ZFPM2: variants seen among roughly 807,000 people sequenced by gnomAD.
ZFPM2 encodes zinc finger protein, FOG family member 2.
ZFPM2 carries 20 observed loss-of-function variants against 98.6 expected under a neutral mutation model. The ratio of observed to expected loss-of-function variants is 0.20; its 90% confidence interval spans 0.14 to 0.29. The LOEUF is 0.29. Among genes scored for constraint, ZFPM2 ranks in the 10% least tolerant of loss-of-function variants. The pLI is 1.00. For synonymous variants in ZFPM2, 518 were observed against 502.7 expected (o/e 1.03, Z -0.41); for missense variants, 1,310 against 1,388.6 (o/e 0.94, Z 0.90).
intron 5 of ZFPM2, among the ~76,000 whole-genome samples, chr8:105,752,402 G>A (rs77900175): frequency 6.6e-6 from 1 of 152,236 alleles, no homozygotes; most frequent in African/African-American, 2.4e-5. Context: ...AAAATAATGA[G>A]GGTTCAGGGA....
At chr8:105,772,847 T>C (rs1813011019) in intron 5 of ZFPM2, among the ~76,000 whole-genome samples, 1 of 152,178 alleles carries the variant, frequency 6.6e-6, no homozygotes, top group African/African-American at 2.4e-5. Flanking sequence ...GTTTATGTTA[T>C]ACTTCAGGAA....
intron 5 of ZFPM2, among the ~76,000 whole-genome samples, chr8:105,661,384 T>C (rs1191927205): frequency 6.6e-6 from 1 of 152,206 alleles, no homozygotes; most frequent in African/African-American, 2.4e-5. Context: ...AATATATTCA[T>C]TGGGCTTTTA....
intron 5 of ZFPM2, among the ~76,000 whole-genome samples, chr8:105,667,550 T>G (rs1330131917): frequency 1.3e-5 from 2 of 152,352 alleles, no homozygotes; most frequent in Admixed American, 6.5e-5. Context: ...TTTTGAGTTT[T>G]AGTGTAGTAT....
intron 3 of ZFPM2, among the ~76,000 whole-genome samples, chr8:105,533,961 TCCCTCCCTC>T (rs1414615626): frequency 1.3e-3 from 31 of 23,022 alleles, no homozygotes; most frequent in African/African-American, 2.1e-3. Context: ...CCTTCCTCCC[TCCCTCCCTC>T]TCCTCCCTCC....
intron 5 of ZFPM2, among the ~76,000 whole-genome samples, chr8:105,709,227 T>C (rs1297524574): frequency 6.6e-6 from 1 of 152,162 alleles, no homozygotes; most frequent in Non-Finnish European, 1.5e-5. Context: ...AGTAAATCAT[T>C]GAATGCAACA....
chr8:105,466,589 T>A (rs577440388), intron 3 of ZFPM2, among the ~76,000 whole-genome samples: 111 of 152,170 alleles, frequency 7.3e-4, no homozygotes, highest in African/African-American at 2.5e-3. Context: ...GGTCCTTCTA[T>A]ACCACAGAGG....
At chr8:105,739,185 T>G (rs1302352567) in intron 5 of ZFPM2, among the ~76,000 whole-genome samples, 1 of 152,082 alleles carries the variant, frequency 6.6e-6, no homozygotes, top group Admixed American at 6.6e-5. Context: ...TGACTCTCTG[T>G]TCTCTGACCT....
Position 105,356,210 on chromosome 8 carries a change from G to C in ZFPM2, c.40+37229G>C, listed in dbSNP as rs148679916. On this transcript the variant is annotated intron_variant, in intron 1 of 7. Coordinates refer to ENST00000407775, the MANE Select transcript of ZFPM2 (RefSeq NM_012082.4). Reference sequence around the variant, plus strand: ...AGCAGTTTTGTTATTGTTCGAGAGAGTACAGTGATTTCCCTTTGGCACTTG... The same window carrying C: ...AGCAGTTTTGTTATTGTTCGAGAGACTACAGTGATTTCCCTTTGGCACTTG... Among the ~76,000 whole-genome samples, 11 of 152,298 alleles carry C rather than the reference G, an allele frequency of 7.2e-5. No homozygotes were observed. In the East Asian group the frequency reaches 2.1e-3, roughly 29 times the overall value.
intron 5 of ZFPM2, among the ~76,000 whole-genome samples, chr8:105,685,454 G>A (rs892235859): frequency 3.3e-5 from 5 of 152,012 alleles, no homozygotes; most frequent in Non-Finnish European, 5.9e-5. Context: ...AAGATCTATA[G>A]TCTGCTTACC....
intron 1 of ZFPM2, among the ~76,000 whole-genome samples, chr8:105,381,484 G>T (rs1810888636): frequency 6.6e-6 from 1 of 151,992 alleles, no homozygotes; most frequent in South Asian, 2.1e-4. Flanking sequence ...CCTATCCAGA[G>T]CAAAGTCCTG....
chr8:105,480,797 C>A (rs1360402459), intron 3 of ZFPM2, among the ~76,000 whole-genome samples: 1 of 149,160 alleles, frequency 6.7e-6, no homozygotes, highest in African/African-American at 2.5e-5. Context: ...GCCTCCCAGT[C>A]TGGAGTACTG....
At chr8:105,753,322 A>G (rs1430872861) in intron 5 of ZFPM2, among the ~76,000 whole-genome samples, 10 of 152,228 alleles carry the variant, frequency 6.6e-5, no homozygotes, top group African/African-American at 2.4e-4. Context: ...AAACCACACC[A>G]TAAACCTTAT....
Position 105,414,966 on chromosome 8 carries a change from A to C in ZFPM2, c.41-4178A>C, listed in dbSNP as rs112727262. 9.1e-4 allele frequency: 138 copies of C among 152,202 alleles called. 1 individual carries two copies. Among genetic ancestry groups the C allele is most frequent in the African/African-American group, 3.2e-3 (131 of 41,548 alleles). The allele number at this position is 152,202 out of a possible 1,614,324, so 9.4% of individuals were successfully genotyped here. On this transcript the variant is annotated intron_variant, in intron 1 of 7. Coordinates refer to ENST00000407775, the MANE Select transcript of ZFPM2 (RefSeq NM_012082.4). ...GCAGCTGTTGGTACTGACTAGATGA[A>C]AAGCTTCACTGTACATTGGGCTGTC...
At chr8:105,471,356 A>G (rs1812899806) in intron 3 of ZFPM2, among the ~76,000 whole-genome samples, 1 of 152,230 alleles carries the variant, frequency 6.6e-6, no homozygotes, top group Non-Finnish European at 1.5e-5. Flanking sequence ...AGGCAGAAAC[A>G]TACCTCATTT....
At chr8:105,678,729 C>T (rs760251569) in intron 5 of ZFPM2, 1 of 152,140 alleles carries the variant, frequency 6.6e-6, no homozygotes, top group Non-Finnish European at 1.5e-5. Context: ...GTTCTAATAC[C>T]ATGTCCATGT....
chr8:105,733,651 G>A (rs948148608), intron 5 of ZFPM2, among the ~76,000 whole-genome samples: 1 of 151,760 alleles, frequency 6.6e-6, no homozygotes, highest in Non-Finnish European at 1.5e-5. Context: ...GAACGATAAA[G>A]GTGTTGAGAA....
intron 3 of ZFPM2, among the ~76,000 whole-genome samples, chr8:105,469,116 C>G (rs187383222): frequency 1.3e-5 from 2 of 152,232 alleles, no homozygotes; most frequent in Admixed American, 1.3e-4. Flanking sequence ...GTATTGTAAC[C>G]ACTTTGATCA....
chr8:105,748,652 C>G (rs1586237058), intron 5 of ZFPM2, among the ~76,000 whole-genome samples: 1 of 151,812 alleles, frequency 6.6e-6, no homozygotes, highest in African/African-American at 2.4e-5. Context: ...TAGGGTTTTC[C>G]AATTAAAATA....
At chr8:105,607,815 A>G (rs71522750) in intron 4 of ZFPM2, among the ~76,000 whole-genome samples, 16,417 of 152,208 alleles carry the variant, frequency 0.11, 1,063 homozygotes, top group South Asian at 0.22. Context: ...ATGATTTAAT[A>G]TATCCTAATA....
Sources: gnomAD v4.1 joint callset for allele counts (sites outside exome capture counted in the v4.1 genomes callset) on GRCh38, gnomAD v4.1.1 for gene constraint, MANE v1.5 for transcripts, NCBI Gene and HGNC (gene_info 2026-07-23, HGNC 2026-07-21) for gene names.